FAM53A: variants seen among roughly 807,000 people sequenced by gnomAD.
FAM53A encodes the protein protein FAM53A.
FAM53A carries 28 observed loss-of-function variants against 26.6 expected under a neutral mutation model. The observed-to-expected ratio is 1.05, with a 90% confidence interval of 0.78 to 1.45. The LOEUF (loss-of-function observed/expected upper bound fraction) is 1.45. FAM53A is among the 40% of genes most tolerant of loss of function. FAM53A has a pLI of 0.00. For synonymous variants in FAM53A, 290 were observed against 253.1 expected (o/e 1.15, Z -1.38); for missense variants, 650 against 575.8 (o/e 1.13, Z -1.32).
At chr4:1,632,325 G>A (rs112234064) in intron 1 of FAM53A, among the ~76,000 whole-genome samples, 62 of 152,264 alleles carry the variant, frequency 4.1e-4, no homozygotes, top group African/African-American at 1.4e-3. Context: ...AAACGACCAC[G>A]TGCAGACAGG....
At chr4:1,657,096 G>A (rs541726666) in intron 3 of FAM53A, among the ~76,000 whole-genome samples, 12 of 152,312 alleles carry the variant, frequency 7.9e-5, no homozygotes, top group South Asian at 2.1e-4. Context: ...TCTTCTTTTC[G>A]TGGCCACAGG....
At chr4:1,592,898 G>T in the FAM53A span, among the ~76,000 whole-genome samples, 1 of 152,124 alleles carries the variant, frequency 6.6e-6, no homozygotes. Context: ...CGTCTGCAGG[G>T]CACATGGCCG....
the FAM53A span, among the ~76,000 whole-genome samples, chr4:1,585,295 T>C: frequency 6.1e-5 from 4 of 65,484 alleles, no homozygotes; most frequent in Admixed American, 1.5e-4. Flanking sequence ...TTTTTTTTTT[T>C]TTTTGGAGAC....
At chr4:1,598,878 C>T in the FAM53A span, among the ~76,000 whole-genome samples, 1 of 152,240 alleles carries the variant, frequency 6.6e-6, no homozygotes, top group East Asian at 1.9e-4. Context: ...CTAATAAATG[C>T]TGCGTGATAA....
intron 1 of FAM53A, among the ~76,000 whole-genome samples, chr4:1,631,250 C>T (rs1050451770): frequency 5.9e-5 from 9 of 152,262 alleles, no homozygotes; most frequent in Middle Eastern, 6.8e-3. Flanking sequence ...CCTTTTGCCC[C>T]GGGAGCTGCA....
At chr4:1,578,503 T>C in the FAM53A span, among the ~76,000 whole-genome samples, 2 of 149,318 alleles carry the variant, frequency 1.3e-5, no homozygotes. Context: ...CGTGTGGGGG[T>C]AGGAGGTGAG....
chr4:1,605,800 C>T, the FAM53A span, among the ~76,000 whole-genome samples: 4 of 152,150 alleles, frequency 2.6e-5, no homozygotes, highest in East Asian at 1.9e-4. The surrounding 1 kb of genome is among the most constrained non-coding windows in gnomAD (Gnocchi z 5.7). Flanking sequence ...TGCTGACTGG[C>T]GCACCCCTTC....
At chr4:1,633,180 A>C (rs975129978) in intron 1 of FAM53A, among the ~76,000 whole-genome samples, 2 of 152,242 alleles carry the variant, frequency 1.3e-5, no homozygotes, top group African/African-American at 2.4e-5. Flanking sequence ...ACTCATGCTC[A>C]CACACACGAG....
rs949429096 is a variant in FAM53A, at chr4:1,655,606, T to G, written c.254A>C (p.Gln85Pro). ...TGGGCGCGGGGACTGTGGCTGCCAC[T>G]GAAGACCCATGGTGTGAGCGGCAGC... ...LSAAAHTMGL[Q>P]WQPQSPRPGA... Residue 85 changes from glutamine to proline, a missense_variant, in exon 4 of 5, where the codon CAG becomes CCG. Physicochemically the swap from Gln to Pro is moderately conservative, Grantham distance 76 (BLOSUM62 -1). Transcript: ENST00000308132. 29 of 1,592,240 alleles carry G rather than the reference T, an allele frequency of 1.8e-5. No individual in the cohort carries two copies. The highest frequency in any genetic ancestry group is 2.3e-5 in the Non-Finnish European group (27 of 1,169,172).
chr4:1,593,127 C>A, the FAM53A span, among the ~76,000 whole-genome samples: 1 of 152,166 alleles, frequency 6.6e-6, no homozygotes, highest in Admixed American at 6.5e-5. Context: ...GTGCGGGAGC[C>A]GGTGGCGGCC....
intron 1 of FAM53A, among the ~76,000 whole-genome samples, chr4:1,620,545 CCACCA>C (rs1714984703): frequency 1.3e-5 from 2 of 151,784 alleles, no homozygotes; most frequent in Non-Finnish European, 2.9e-5. Context: ...TACAAAAGCA[CCACCA>C]CATAGGACGC....
chr4:1,666,539 G>A (rs535831814), intron 2 of FAM53A, among the ~76,000 whole-genome samples: 73 of 152,344 alleles, frequency 4.8e-4, no homozygotes, highest in African/African-American at 1.6e-3. Context: ...TCCCAGGCCC[G>A]GCAGGCATGC....
chr4:1,585,127 C>T, the FAM53A span, among the ~76,000 whole-genome samples: 3 of 152,114 alleles, frequency 2.0e-5, no homozygotes, highest in Non-Finnish European at 4.4e-5. Flanking sequence ...AACACAAAAT[C>T]TACTCTCAAT....
chr4:1,677,551 G>A (rs570247964), intron 1 of FAM53A, among the ~76,000 whole-genome samples: 2 of 152,284 alleles, frequency 1.3e-5, no homozygotes, highest in East Asian at 3.9e-4. Context: ...TCTGGTCCCT[G>A]CACTCTGTAT....
intron 1 of FAM53A, among the ~76,000 whole-genome samples, chr4:1,674,320 A>G (rs994367647): frequency 1.3e-5 from 2 of 152,266 alleles, no homozygotes; most frequent in Non-Finnish European, 2.9e-5. Context: ...AAGGACACCA[A>G]TGATTGGGTT....
At chr4:1,641,910 C>T (rs997353935) in intron 4 of FAM53A, among the ~76,000 whole-genome samples, 1 of 152,156 alleles carries the variant, frequency 6.6e-6, no homozygotes, top group Non-Finnish European at 1.5e-5. Flanking sequence ...TTGGTGGGCA[C>T]CTGACACCTA....
At chr4:1,601,233 C>CCGGGGGAGATGGGATGGGGGA in the FAM53A span, among the ~76,000 whole-genome samples, 48 of 87,292 alleles carry the variant, frequency 5.5e-4, no homozygotes, top group Non-Finnish European at 7.7e-4. Context: ...CGCAACAGGT[C>CCGGGGGAGATGGGATGGGGGA]GGACACCCAC....
At chr4:1,610,095 T>C in the FAM53A span, among the ~76,000 whole-genome samples, 1 of 146,704 alleles carries the variant, frequency 6.8e-6, no homozygotes, top group Non-Finnish European at 1.5e-5. Flanking sequence ...CCCCTGCGAC[T>C]TCCCTATGCT....
chr4:1,665,346 G>C (rs1226511979), intron 2 of FAM53A, among the ~76,000 whole-genome samples: 1 of 151,922 alleles, frequency 6.6e-6, no homozygotes, highest in East Asian at 1.9e-4. Flanking sequence ...AAAATAGGTT[G>C]GGCATGGTGG....
Sources: gnomAD v4.1 joint callset for allele counts (sites outside exome capture counted in the v4.1 genomes callset) on GRCh38, gnomAD v4.1.1 for gene constraint, Gnocchi (gnomAD v3.1) non-coding constraint, MANE v1.5 for transcripts, NCBI Gene and HGNC (gene_info 2026-07-23, HGNC 2026-07-21) for gene names.